Variants in CERS1 observed in about 807,000 individuals in gnomAD.
The protein encoded by CERS1 is ceramide synthase 1.
CERS1 carries 16 observed loss-of-function variants against 35.7 expected under a neutral mutation model. That is an observed-to-expected ratio of 0.45 (90% CI 0.30 to 0.68). The LOEUF is 0.68. CERS1 is among the 30% of genes least tolerant of loss of function. The pLI, the probability that CERS1 is intolerant of heterozygous loss-of-function variation, is 0.08. For missense variants in CERS1, 454 were observed against 453.9 expected (o/e 1.00, Z 0.00); for synonymous variants, 243 against 201.6 (o/e 1.21, Z -1.74).
intron 2 of CERS1, among the ~76,000 whole-genome samples, chr19:18,886,050 A>C (rs895841359): frequency 2.0e-5 from 3 of 151,990 alleles, no homozygotes; most frequent in African/African-American, 7.3e-5. Flanking sequence ...AGCCCACCCC[A>C]CCACGTCCAC....
chr19:18,882,612 G>A (rs1459651921), intron 3 of CERS1, among the ~76,000 whole-genome samples: 2 of 151,228 alleles, frequency 1.3e-5, no homozygotes, highest in Non-Finnish European at 2.9e-5. Context: ...ACTCCAGCCT[G>A]GGCGACAGAG....
At chr19:18,876,930 C>T (rs1200777281) in intron 6 of CERS1, among the ~76,000 whole-genome samples, 10 of 152,212 alleles carry the variant, frequency 6.6e-5, no homozygotes, top group Admixed American at 3.9e-4. Context: ...CAGGTGGCAT[C>T]TGTCTCCTTG....
At chr19:18,893,599 C>A in intron 1 of CERS1, 24 bp from the exon 2 acceptor site, 2 of 1,592,936 alleles carry the variant, frequency 1.3e-6, no homozygotes, top group Non-Finnish European at 1.7e-6. Flanking sequence ...GACAGGCGGG[C>A]AGCCATTGGT....
chr19:18,880,619 C>T (rs958260363), intron 3 of CERS1, among the ~76,000 whole-genome samples, 184 bp from the exon 4 acceptor site: 1 of 151,942 alleles, frequency 6.6e-6, no homozygotes, highest in African/African-American at 2.4e-5. Context: ...TCCTCACTGT[C>T]CCCCACTTAG....
At chr19:18,882,511 A>G (rs2146026453) in intron 3 of CERS1, among the ~76,000 whole-genome samples, 1 of 151,546 alleles carries the variant, frequency 6.6e-6, no homozygotes, top group African/African-American at 2.4e-5. Context: ...ATACCCCTGT[A>G]ATCCCAGCTA....
Position 18,879,292 on chromosome 19 carries a change from G to C in CERS1, c.849C>G (p.Phe283Leu), listed in dbSNP as rs1432376428. The change falls in exon 5 of 8, where the codon TTC (phenylalanine) becomes TTG (leucine). Residue 283 changes from phenylalanine to leucine, a missense_variant. Transcript: ENST00000623882. ...TGAGCAGCAGCAGGAGCGCATTGAAGAAGAAGTAGAAGGGGATGTCAGGCA... is the reference window on the plus strand; with the variant it reads ...TGAGCAGCAGCAGGAGCGCATTGAACAAGAAGTAGAAGGGGATGTCAGGCA... The part of the protein sequence containing the change: ...RTVPDIPFYF[F>L]FNALLLLLTL... 1 of 1,613,298 alleles carries C rather than the reference G, an allele frequency of 6.2e-7. No homozygotes were observed. The highest frequency in any genetic ancestry group is 8.5e-7 in the Non-Finnish European group (1 of 1,179,646).
intron 2 of CERS1, among the ~76,000 whole-genome samples, chr19:18,890,855 G>C (rs890205733): frequency 6.6e-6 from 1 of 151,784 alleles, no homozygotes; most frequent in Non-Finnish European, 1.5e-5. Flanking sequence ...TGGGCGTGGT[G>C]GCTCATGCCT....
rs1329889481 is a variant in CERS1 at position 18,869,365 on chromosome 19, A to G, written c.*620T>C. On this transcript the variant is annotated 3_prime_UTR_variant, in exon 8 of 8. Transcript: ENST00000623882. ...CAGGGCAATGCCCCGCGGCCGAGGC[A>G]GGCTCCGAGGCCCGGGTGGGCGCAC... 6.5e-7 allele frequency: 1 copy of G among 1,530,208 alleles called. No individual in the cohort carries two copies. The highest frequency in any genetic ancestry group is 8.7e-7 in the Non-Finnish European group (1 of 1,145,384). 94.8% of individuals were successfully genotyped at this position (1,530,208 alleles called of 1,614,324 possible).
At position 18,878,979 on chromosome 19, in the gene CERS1, G is replaced by T. The variant is rs770285954; in HGVS notation, c.961C>A (p.Arg321=). 1 of 1,613,782 alleles carries T rather than the reference G, an allele frequency of 6.2e-7. No homozygotes were observed. Among genetic ancestry groups the T allele is most frequent in the East Asian group, 2.2e-5 (1 of 44,886 alleles). ...TGGGCCTCGGCTGTGTCATACTCCC[G>T]CAGGTCCTTCAGCTCGTGCACCTGG... ...TGQVHELKDL[R]EYDTAEAQSL... The change falls in exon 6 of 8, where the codon CGG becomes AGG. Residue 321 remains arginine, a synonymous_variant. Transcript: ENST00000623882. This position sits in a 1 kb window ranked among gnomAD's most constrained non-coding sequence, Gnocchi z 4.6.
intron 2 of CERS1, among the ~76,000 whole-genome samples, chr19:18,888,476 C>T (rs1292086923): frequency 7.1e-6 from 1 of 141,092 alleles, no homozygotes; most frequent in South Asian, 2.3e-4. Flanking sequence ...TGAGATCACA[C>T]CACCACACTC....
intron 5 of CERS1, 80 bp from the exon 6 acceptor site, chr19:18,879,119 C>T (rs1017345238): frequency 1.1e-5 from 17 of 1,585,744 alleles, no homozygotes; most frequent in South Asian, 2.3e-5. Flanking sequence ...GCTCCTGTCC[C>T]GGGCCCTCCA....
intron 6 of CERS1, among the ~76,000 whole-genome samples, chr19:18,874,398 G>C (rs2056026369): frequency 6.6e-6 from 1 of 152,182 alleles, no homozygotes; most frequent in African/African-American, 2.4e-5. Flanking sequence ...TGACCTCCTG[G>C]GCTCAAGCCA....
In CERS1 at chr19:18,893,477, A is replaced by G; in HGVS notation, c.348T>C (p.Ser116=). 6.2e-7 allele frequency: 1 copy of G among 1,607,542 alleles called. No homozygotes were observed. Among genetic ancestry groups the G allele is most frequent in the South Asian group, 1.1e-5 (1 of 89,632 alleles). ...AGTCGGTGCCAAACAGCAGGTAGGCACTGTAGCTCCAGCTGCCCAGGTAGA... is the reference window on the plus strand; with the variant it reads ...AGTCGGTGCCAAACAGCAGGTAGGCGCTGTAGCTCCAGCTGCCCAGGTAGA... ...FLFYLGSWSY[S]AYLLFGTDYP... Residue 116 remains serine (S), a synonymous_variant, in exon 2 of 8, where the codon AGT becomes AGC. Coordinates refer to ENST00000623882, the MANE Select transcript of CERS1 (RefSeq NM_021267.5).
At chr19:18,871,223 A>ATTTTT (rs572877061) in intron 6 of CERS1, among the ~76,000 whole-genome samples, 2 of 119,834 alleles carry the variant, frequency 1.7e-5, no homozygotes, top group Non-Finnish European at 3.5e-5. Flanking sequence ...ACTCCCAGCA[A>ATTTTT]TTTTTTTTTT....
Position 18,895,859 on chromosome 19 carries a change from C to T in CERS1, c.214G>A (p.Ala72Thr), listed in dbSNP as rs1253756196. ...CGCGCAGTGGCCGCGGAGCGCAGGGCGGTCCAGCCCAGCGCGCCGAGCGCC... is the reference window on the plus strand; with the variant it reads ...CGCGCAGTGGCCGCGGAGCGCAGGGTGGTCCAGCCCAGCGCGCCGAGCGCC... Reference protein sequence around the residue: ...LLALGALGWTALRSAATARLF... With the variant: ...LLALGALGWTTLRSAATARLF... Residue 72 changes from alanine to threonine, a missense_variant, in exon 1 of 8, where the codon GCC becomes ACC. Coordinates refer to ENST00000623882, the MANE Select transcript of CERS1 (RefSeq NM_021267.5). The surrounding 1 kb of genome is among the most constrained non-coding windows in gnomAD (Gnocchi z 6.4). 21 of 1,282,888 alleles carry T rather than the reference C, an allele frequency of 1.6e-5. No individual in the cohort carries two copies. The South Asian group carries it at 3.5e-4, about 22-fold the overall frequency. The allele number at this position is 1,282,888 out of a possible 1,614,324, so 79.5% of individuals were successfully genotyped here.
At chr19:18,894,861 G>A (rs1460050625) in intron 1 of CERS1, among the ~76,000 whole-genome samples, 1 of 152,162 alleles carries the variant, frequency 6.6e-6, no homozygotes, top group Non-Finnish European at 1.5e-5. Context: ...TTGGCGCTGG[G>A]CACATTGTCC....
intron 2 of CERS1, among the ~76,000 whole-genome samples, chr19:18,892,827 C>T (rs942321606): frequency 6.6e-6 from 1 of 152,164 alleles, no homozygotes; most frequent in Non-Finnish European, 1.5e-5. Context: ...CTTTCCTGTC[C>T]CCAGGGATCA....
intron 1 of CERS1, 116 bp from the exon 2 acceptor site, chr19:18,893,691 T>G: frequency 9.5e-7 from 1 of 1,050,530 alleles, no homozygotes; most frequent in Non-Finnish European, 1.4e-6. Context: ...TGGGAAGGCC[T>G]GTCCCCCATG....
intron 2 of CERS1, among the ~76,000 whole-genome samples, chr19:18,891,454 C>T (rs1159559431): frequency 6.6e-6 from 1 of 152,210 alleles, no homozygotes; most frequent in African/African-American, 2.4e-5. Flanking sequence ...CGGCCCTGCC[C>T]TGCATTCTCT....
Sources: gnomAD v4.1 joint callset for allele counts (sites outside exome capture counted in the v4.1 genomes callset) on GRCh38, gnomAD v4.1.1 for gene constraint, Gnocchi (gnomAD v3.1) non-coding constraint, MANE v1.5 for transcripts, NCBI Gene and HGNC (gene_info 2026-07-23, HGNC 2026-07-21) for gene names.